SH3BP5: variants seen among roughly 807,000 people sequenced by gnomAD.
SH3BP5 encodes SH3 domain-binding protein 5.
In SH3BP5, 22 loss-of-function variants were observed where a neutral mutation model predicts 43.3. The observed-to-expected ratio is 0.51, with a 90% confidence interval of 0.36 to 0.73. The LOEUF is 0.73. Ranked by LOEUF, SH3BP5 falls within the 30% of genes least tolerant of loss-of-function variation. SH3BP5 has a pLI of 0.00. For synonymous variants in SH3BP5, 255 were observed against 225.8 expected (o/e 1.13, Z -1.16); for missense variants, 529 against 586.9 (o/e 0.90, Z 1.02).
At chr3:15,335,013 C>A (rs1435288743), upstream of SH3BP5, among the ~76,000 whole-genome samples, 1 of 151,948 alleles carries the variant, frequency 6.6e-6, no homozygotes, top group Non-Finnish European at 1.5e-5. Context: ...TGGCTCATGC[C>A]TGTAATCTCA....
Position 15,255,209 on chromosome 3 carries a change from G to A in SH3BP5, c.*877C>T, listed in dbSNP as rs759605226. 4.6e-5 allele frequency: 7 copies of A among 152,620 alleles called. No individual in the cohort carries two copies. Among genetic ancestry groups the A allele is most frequent in the Non-Finnish European group, 8.8e-5 (6 of 68,028 alleles). The allele number at this position is 152,620 out of a possible 1,614,324, so 9.5% of individuals were successfully genotyped here. A position where few individuals can be genotyped will look rare whatever the true frequency, so the allele number is the denominator to read the frequency against. ...ACTGTTTCCTCTAAGGAATACTAGT[G>A]CAGCATAACCCTTAAATAATTTCAT... On this transcript the variant is annotated 3_prime_UTR_variant, in exon 9 of 9. Coordinates refer to ENST00000383791, the MANE Select transcript of SH3BP5 (RefSeq NM_004844.5).
chr3:15,317,650 T>C lies in SH3BP5; in HGVS notation c.201+12854A>G, dbSNP rs148358992. Among the ~76,000 whole-genome samples, 124 of 152,338 alleles carry C rather than the reference T, an allele frequency of 8.1e-4. 1 individual carries two copies. The East Asian group carries it at 0.02, about 25-fold the overall frequency. ...ATAAAATTTTAAGTCTATTACAGCA[T>C]AGATTGACTACAGAGCTTTTGTATT... On this transcript the variant is annotated intron_variant, in intron 2 of 8. Coordinates refer to ENST00000383791, the MANE Select transcript of SH3BP5 (RefSeq NM_004844.5).
chr3:15,332,613 G>C, upstream of SH3BP5: 1 of 1,187,380 alleles, frequency 8.4e-7, no homozygotes, highest in Non-Finnish European at 1.0e-6. Flanking sequence ...CCCCCTTTCT[G>C]CCGCGGCAGT....
intron 2 of SH3BP5, among the ~76,000 whole-genome samples, chr3:15,307,748 T>C (rs993388668): frequency 1.3e-5 from 2 of 152,248 alleles, no homozygotes; most frequent in African/African-American, 4.8e-5. Context: ...CTCTGCAAGA[T>C]GCACTCGCAT....
rs565859132 is a variant in SH3BP5, at chr3:15,262,155, T to G, written c.626+4A>C. 1 of 1,614,040 alleles carries G rather than the reference T, an allele frequency of 6.2e-7. No homozygotes were observed. Among genetic ancestry groups the G allele is most frequent in the African/African-American group, 1.3e-5 (1 of 75,024 alleles). On this transcript the variant is annotated splice_donor_region_variant and intron_variant, in intron 5 of 8. Coordinates refer to ENST00000383791, the MANE Select transcript of SH3BP5 (RefSeq NM_004844.5). ...GCCCCAGGGAAGGCCCTGTCCAGAC[T>G]TACTTGGACTTGTTGATGGCTCTCT...
chr3:15,264,668 A>G (rs1033637776), intron 4 of SH3BP5, among the ~76,000 whole-genome samples: 4 of 152,198 alleles, frequency 2.6e-5, no homozygotes, highest in Admixed American at 1.3e-4. Flanking sequence ...TGACTTCTCA[A>G]CCAAGACCAA....
rs1466389801 is a variant in SH3BP5, at chr3:15,255,058, C to CA, written c.*1027dup. The CA allele has an allele frequency of 6.6e-6, 1 of 152,438 alleles. No individual in the cohort carries two copies. Among genetic ancestry groups the CA allele is most frequent in the African/African-American group, 2.4e-5 (1 of 41,402 alleles). 9.4% of individuals were successfully genotyped at this position (152,438 alleles called of 1,614,324 possible). ...GAAATGCTAAATTTTCTTAACAAGA[C>CA]AAAAATACAGTGCTCTAAATATGCA... On this transcript the variant is annotated 3_prime_UTR_variant, in exon 9 of 9. Coordinates refer to ENST00000383791, the MANE Select transcript of SH3BP5 (RefSeq NM_004844.5).
chr3:15,257,333 G>A (rs746993349), intron 7 of SH3BP5: 96 of 545,298 alleles, frequency 1.8e-4, no homozygotes, highest in Non-Finnish European at 8.5e-5. Context: ...GATATTAAGC[G>A]CCCTTCCAAT....
intron 4 of SH3BP5, among the ~76,000 whole-genome samples, chr3:15,268,024 C>G (rs1051571942): frequency 2.6e-5 from 4 of 152,178 alleles, no homozygotes; most frequent in African/African-American, 9.7e-5. Flanking sequence ...GGCTTGTGAA[C>G]TTCCAAGATT....
chr3:15,294,369 A>C (rs1697510190), intron 3 of SH3BP5, among the ~76,000 whole-genome samples: 1 of 151,164 alleles, frequency 6.6e-6, no homozygotes. Context: ...CATGCATGTA[A>C]AACACTTAGA....
At chr3:15,295,242 T>C (rs1427325058) in intron 3 of SH3BP5, among the ~76,000 whole-genome samples, 1 of 152,180 alleles carries the variant, frequency 6.6e-6, no homozygotes, top group Non-Finnish European at 1.5e-5. Context: ...ATTTGTGAAT[T>C]TGCCTACTTA....
upstream of SH3BP5, among the ~76,000 whole-genome samples, chr3:15,333,762 T>G (rs2124837782): frequency 6.6e-6 from 1 of 152,354 alleles, no homozygotes; most frequent in Admixed American, 6.5e-5. Context: ...AAATTTGTCC[T>G]GTCTCCTGGA....
At chr3:15,292,111 C>A (rs1697428790) in intron 3 of SH3BP5, among the ~76,000 whole-genome samples, 1 of 152,230 alleles carries the variant, frequency 6.6e-6, no homozygotes, top group Admixed American at 6.5e-5. Context: ...CACTCTGCCA[C>A]TCTTGCCAGG....
chr3:15,280,104 C>T (rs552145256), intron 3 of SH3BP5, among the ~76,000 whole-genome samples: 1 of 152,150 alleles, frequency 6.6e-6, no homozygotes, highest in Non-Finnish European at 1.5e-5. Flanking sequence ...ACACTTCCAT[C>T]CTTTCACAAT....
At chr3:15,315,254 C>T (rs923717043) in intron 2 of SH3BP5, among the ~76,000 whole-genome samples, 4 of 152,088 alleles carry the variant, frequency 2.6e-5, no homozygotes, top group African/African-American at 9.7e-5. Context: ...AGTGACACTT[C>T]CCCTCCCTTG....
chr3:15,328,097 A>C (rs1698510065), intron 2 of SH3BP5, among the ~76,000 whole-genome samples: 1 of 151,934 alleles, frequency 6.6e-6, no homozygotes, highest in Non-Finnish European at 1.5e-5. Context: ...TCTTGGTTAT[A>C]ATACCGTGAA....
At chr3:15,304,024 G>A (rs1322162536) in intron 3 of SH3BP5, 79 bp downstream of exon 3, 3 of 1,199,692 alleles carry the variant, frequency 2.5e-6, no homozygotes, top group Admixed American at 1.7e-5. Flanking sequence ...CCTTCAGCAG[G>A]TGATACAGTC....
chr3:15,297,108 G>A (rs1186550806), intron 3 of SH3BP5, among the ~76,000 whole-genome samples: 2 of 152,124 alleles, frequency 1.3e-5, no homozygotes, highest in Non-Finnish European at 2.9e-5. Flanking sequence ...TAATTGATAT[G>A]CTCGACCCAT....
intron 2 of SH3BP5, among the ~76,000 whole-genome samples, chr3:15,323,844 C>T (rs1176600034): frequency 6.6e-6 from 1 of 152,232 alleles, no homozygotes; most frequent in Non-Finnish European, 1.5e-5. Context: ...CAATGCCAGG[C>T]GGTCTGGCTC....
Sources: allele counts gnomAD v4.1 joint callset (sites outside exome capture counted in the v4.1 genomes callset), GRCh38; gene constraint gnomAD v4.1.1; transcripts MANE v1.5; gene names NCBI Gene and HGNC (gene_info 2026-07-23, HGNC 2026-07-21).